Variants in ADAMTSL1 observed in about 807,000 individuals in gnomAD.
ADAMTSL1 encodes ADAMTS-like protein 1.
A neutral mutation model predicts 201.8 loss-of-function variants in ADAMTSL1; 126 were observed. The ratio of observed to expected loss-of-function variants is 0.62; its 90% CI spans 0.54 to 0.72. The LOEUF (loss-of-function observed/expected upper bound fraction) is 0.72. Ranked by LOEUF, ADAMTSL1 falls within the 30% of genes least tolerant of loss-of-function variation. ADAMTSL1 has a pLI of 0.00. For synonymous variants in ADAMTSL1, 1,121 were observed against 903.4 expected (o/e 1.24, Z -4.32); for missense variants, 2,679 against 2,277.8 (o/e 1.18, Z -3.59).
intron 23 of ADAMTSL1, among the ~76,000 whole-genome samples, chr9:18,833,081 C>G (rs2131277556): frequency 6.6e-6 from 1 of 152,338 alleles, no homozygotes; most frequent in Non-Finnish European, 1.5e-5. Context: ...GCCACTGCTA[C>G]AACTCTCCAA....
At chr9:18,197,550 A>C (rs1428370899) in intron 2 of ADAMTSL1, among the ~76,000 whole-genome samples, 2 of 140,548 alleles carry the variant, frequency 1.4e-5, no homozygotes, top group Non-Finnish European at 3.1e-5. Flanking sequence ...ACTTTGCTGA[A>C]GTTGCTTATC....
At chr9:18,587,962 G>C (rs1454326220) in intron 4 of ADAMTSL1, among the ~76,000 whole-genome samples, 1 of 152,160 alleles carries the variant, frequency 6.6e-6, no homozygotes, top group African/African-American at 2.4e-5. Flanking sequence ...TTGATGTAGT[G>C]ATTTCCTTTC....
At chr9:18,864,603 AG>A (rs1827393091) in intron 23 of ADAMTSL1, among the ~76,000 whole-genome samples, 1 of 152,216 alleles carries the variant, frequency 6.6e-6, no homozygotes, top group Non-Finnish European at 1.5e-5. Flanking sequence ...TCTTCTGCTG[AG>A]GGTGCGAGGA....
intron 25 of ADAMTSL1, 53 bp downstream of exon 25, chr9:18,889,801 C>T: frequency 7.1e-7 from 1 of 1,402,586 alleles, no homozygotes; most frequent in South Asian, 1.6e-5. Flanking sequence ...GGAGCCCTCC[C>T]TGTTAGCGAA....
intron 2 of ADAMTSL1, among the ~76,000 whole-genome samples, chr9:18,233,331 T>C (rs1317309990): frequency 3.3e-5 from 5 of 152,236 alleles, no homozygotes; most frequent in Non-Finnish European, 5.9e-5. Context: ...ACTTCATCAG[T>C]AAAAGACAAT....
At chr9:18,172,631 A>G (rs1464896468) in intron 2 of ADAMTSL1, among the ~76,000 whole-genome samples, 2 of 152,092 alleles carry the variant, frequency 1.3e-5, no homozygotes, top group Non-Finnish European at 2.9e-5. Flanking sequence ...CACTTTAAAA[A>G]TCTACCTTAG....
intron 1 of ADAMTSL1, among the ~76,000 whole-genome samples, chr9:18,074,163 C>T (rs1823091358): frequency 6.6e-6 from 1 of 152,058 alleles, no homozygotes; most frequent in Admixed American, 6.5e-5. Context: ...TCTGAGATGC[C>T]CACCAGCTGG....
chr9:18,050,391 A>G (rs925749727), intron 1 of ADAMTSL1, among the ~76,000 whole-genome samples: 1 of 152,202 alleles, frequency 6.6e-6, no homozygotes, highest in Admixed American at 6.5e-5. Flanking sequence ...AGTCAGTAAT[A>G]TGCTACCTTC....
intron 4 of ADAMTSL1, among the ~76,000 whole-genome samples, chr9:18,600,706 T>G (rs1824592546): frequency 7.2e-6 from 1 of 139,016 alleles, no homozygotes. Context: ...AGGAACTCTT[T>G]GGAAACTTTT....
chr9:17,935,773 G>A (rs577251759), intron 1 of ADAMTSL1, among the ~76,000 whole-genome samples: 1 of 152,224 alleles, frequency 6.6e-6, no homozygotes, highest in East Asian at 1.9e-4. Context: ...ATCTTGCCTG[G>A]ATTATTAGAA....
chr9:18,843,404 G>A lies in ADAMTSL1; in HGVS notation c.4249+13427G>A, dbSNP rs1013900888. On this transcript the variant is annotated intron_variant, in intron 23 of 28. Coordinates refer to ENST00000380548, the MANE Select transcript of ADAMTSL1 (RefSeq NM_001040272.6). ...TTGTAGAGTTTCTGCCGAGAGATCC[G>A]CTGTTAGTCTGATGGGCTTCCCTTT... Among the ~76,000 whole-genome samples, 11 of 150,958 alleles carry A rather than the reference G, an allele frequency of 7.3e-5. 1 individual carries two copies. Among genetic ancestry groups the A allele is most frequent in the South Asian group, 4.2e-4 (2 of 4,814 alleles).
At chr9:18,882,501 C>T (rs1474384739) in intron 23 of ADAMTSL1, among the ~76,000 whole-genome samples, 1 of 152,112 alleles carries the variant, frequency 6.6e-6, no homozygotes. Flanking sequence ...CATTTTACTC[C>T]AGGCTACAAT....
chr9:18,012,301 C>A (rs1820084799), intron 1 of ADAMTSL1, among the ~76,000 whole-genome samples: 1 of 151,980 alleles, frequency 6.6e-6, no homozygotes, highest in Non-Finnish European at 1.5e-5. Context: ...TTGCTGCTTT[C>A]CAGGGTTTCT....
At chr9:17,947,269 C>G (rs1460764329) in intron 1 of ADAMTSL1, among the ~76,000 whole-genome samples, 1 of 148,682 alleles carries the variant, frequency 6.7e-6, no homozygotes, top group Non-Finnish European at 1.5e-5. Flanking sequence ...GTTAAAATAA[C>G]TAATGTAATG....
chr9:18,888,823 T>C (rs998638940), intron 24 of ADAMTSL1, among the ~76,000 whole-genome samples: 1 of 152,220 alleles, frequency 6.6e-6, no homozygotes, highest in East Asian at 1.9e-4. Context: ...TCTAAGCAGT[T>C]AAGTTTTCTT....
intron 2 of ADAMTSL1, among the ~76,000 whole-genome samples, chr9:18,443,061 C>A (rs1820059292): frequency 6.6e-6 from 1 of 152,150 alleles, no homozygotes; most frequent in Non-Finnish European, 1.5e-5. Context: ...CCACTGACAT[C>A]TGCTTAAAAT....
intron 14 of ADAMTSL1, among the ~76,000 whole-genome samples, chr9:18,710,173 C>A (rs1310684205): frequency 1.3e-5 from 2 of 152,180 alleles, no homozygotes; most frequent in Non-Finnish European, 2.9e-5. Context: ...ACTCCAGGTT[C>A]ATGCTCCCCA....
intron 1 of ADAMTSL1, among the ~76,000 whole-genome samples, chr9:17,922,583 C>CA (rs1183552483): frequency 1.1e-4 from 16 of 152,074 alleles, no homozygotes; most frequent in African/African-American, 3.6e-4. Context: ...ACATTTTGAC[C>CA]AAAAACCACA....
At chr9:18,752,610 G>A (rs1819529046) in intron 15 of ADAMTSL1, among the ~76,000 whole-genome samples, 1 of 152,038 alleles carries the variant, frequency 6.6e-6, no homozygotes, top group Admixed American at 6.6e-5. Context: ...CTCAAGTCTT[G>A]GCCCTTTGGA....
Sources: gnomAD v4.1 joint callset for allele counts (sites outside exome capture counted in the v4.1 genomes callset) on GRCh38, gnomAD v4.1.1 for gene constraint, MANE v1.5 for transcripts, NCBI Gene and HGNC (gene_info 2026-07-23, HGNC 2026-07-21) for gene names.